Variants in TNK2 observed in about 807,000 individuals in gnomAD.
The protein encoded by TNK2 is tyrosine kinase non receptor 2, also known as activated CDC42 kinase 1.
TNK2 carries 83 observed loss-of-function variants against 101.8 expected under a neutral mutation model. That is an observed-to-expected ratio of 0.82 (90% CI 0.68 to 0.98). TNK2 has a LOEUF of 0.98. Among genes scored for constraint, TNK2 ranks in the 50% least tolerant of loss-of-function variants. TNK2 has a pLI of 0.00. For missense variants in TNK2, 1,665 were observed against 1,483.2 expected (o/e 1.12, Z -2.01); for synonymous variants, 804 against 633.0 (o/e 1.27, Z -4.06).
At chr3:195,883,030 C>A in intron 5 of TNK2, 127 bp downstream of exon 5, 1 of 1,155,530 alleles carries the variant, frequency 8.7e-7, no homozygotes, top group South Asian at 1.4e-5. Flanking sequence ...CCCCTTTACT[C>A]CATCAGGTTG....
chr3:195,870,000 C>T, intron 11 of TNK2, 114 bp downstream of exon 11: 1 of 831,852 alleles, frequency 1.2e-6, no homozygotes, highest in Non-Finnish European at 1.8e-6. Flanking sequence ...GCCTGCTGCC[C>T]TGACCCCACT....
chr3:195,883,403 C>T, intron 4 of TNK2, 94 bp from the exon 5 acceptor site: 1 of 1,472,290 alleles, frequency 6.8e-7, no homozygotes, highest in Non-Finnish European at 9.3e-7. Context: ...CTCAACGATC[C>T]CTGCCTGTGA....
chr3:195,871,969 T>TGGAGAGCCCTCCCC, intron 10 of TNK2, among the ~76,000 whole-genome samples: 1 of 123,428 alleles, frequency 8.1e-6, no homozygotes, highest in Non-Finnish European at 1.7e-5. Context: ...AACCCTCCCC[T>TGGAGAGCCCTCCCC]GGAGAACCCT....
At chr3:195,904,497 C>G (rs149542127) in intron 1 of TNK2, among the ~76,000 whole-genome samples, 11 of 152,210 alleles carry the variant, frequency 7.2e-5, no homozygotes, top group African/African-American at 2.4e-4. Context: ...TTCATAGAGT[C>G]AGAAGGTAAA....
chr3:195,881,647 G>T, intron 6 of TNK2, among the ~76,000 whole-genome samples: 1 of 35,964 alleles, frequency 2.8e-5, no homozygotes, highest in Non-Finnish European at 4.9e-5. Flanking sequence ...CCCCCCCCCA[G>T]CAACGCCCTT....
intron 9 of TNK2, among the ~76,000 whole-genome samples, chr3:195,875,923 G>T (rs537291216): frequency 6.6e-6 from 1 of 152,170 alleles, no homozygotes; most frequent in Non-Finnish European, 1.5e-5. Context: ...CCACGTTCCC[G>T]TCCGGGCCGA....
chr3:195,878,670 C>T lies in TNK2; in HGVS notation c.1015-78G>A. 6.5e-7 allele frequency: 1 copy of T among 1,549,438 alleles called. No individual in the cohort carries two copies. The highest frequency in any genetic ancestry group is 8.7e-7 in the Non-Finnish European group (1 of 1,147,398). ...ACTTCCCGCCTTCCCTCCAGCCCAT[C>T]CACAGCTGCAGCGGCTGCTGCCATG... On this transcript the variant is annotated intron_variant, in intron 7 of 15. Transcript: ENST00000672887. The surrounding 1 kb of genome is among the most constrained non-coding windows in gnomAD (Gnocchi z 4.7).
In TNK2 at chr3:195,888,835, A is replaced by G. The variant is rs1455717165; in HGVS notation, c.-18-229T>C. On this transcript the variant is annotated intron_variant, in intron 1 of 15. Transcript: ENST00000672887. This position sits in a 1 kb window ranked among gnomAD's most constrained non-coding sequence, Gnocchi z 5.3. The stretch of plus-strand genomic sequence containing the variant: ...GAGATACAGCCCTGGCCCTGGAGTC[A>G]GGAGTCAGGGTCTTGCTCCCGAAAT... 2.0e-5 allele frequency among the ~76,000 whole-genome samples: 3 copies of G among 152,108 alleles called. No homozygotes were observed. The highest frequency in any genetic ancestry group is 6.5e-5 in the Admixed American group (1 of 15,270).
chr3:195,889,117 T>C (rs1315954199), intron 1 of TNK2, among the ~76,000 whole-genome samples: 3 of 151,844 alleles, frequency 2.0e-5, no homozygotes, highest in Non-Finnish European at 4.4e-5. Context: ...TCCCAGCGCC[T>C]GACCACCCCA....
rs991723439 is a variant in TNK2 at position 195,893,500 on chromosome 3, G to A, written c.-18-4894C>T. Among the ~76,000 whole-genome samples the A allele has an allele frequency of 9.9e-5, 15 of 152,250 alleles. 1 individual carries two copies. In the South Asian group the frequency reaches 3.1e-3, roughly 32 times the overall value. On this transcript the variant is annotated intron_variant, in intron 1 of 15. Transcript: ENST00000672887. ...ACCCCAAAGCTGTAGGATGTCTCCT[G>A]TATAACCCCTGACACAGACCACGGC...
At position 195,888,727 on chromosome 3, in the gene TNK2, C is replaced by T; in HGVS notation, c.-18-121G>A. On this transcript the variant is annotated intron_variant, in intron 1 of 15. Coordinates refer to ENST00000672887, the MANE Select transcript of TNK2 (RefSeq NM_001382273.1). This position sits in a 1 kb window ranked among gnomAD's most constrained non-coding sequence, Gnocchi z 5.3. ...CACCCGGAAGGGCTCACACCACCTT[C>T]TGACTCCCGAGGGAAGCTACCGAGA... is the stretch of plus-strand genomic sequence containing the variant. 1.1e-6 allele frequency: 1 copy of T among 951,954 alleles called. No individual in the cohort carries two copies. The highest frequency in any genetic ancestry group is 1.5e-6 in the Non-Finnish European group (1 of 660,730). 59.0% of individuals were successfully genotyped at this position (951,954 alleles called of 1,614,324 possible).
In TNK2 at chr3:195,868,363, G is replaced by A. The variant is rs1442473841; in HGVS notation, c.1935C>T (p.Pro645=). The A allele has an allele frequency of 4.4e-6, 7 of 1,597,202 alleles. No individual in the cohort carries two copies. Among genetic ancestry groups the A allele is most frequent in the South Asian group, 2.2e-5 (2 of 90,580 alleles). ...CCACGTCGTCATAGGCGGGCGGGGG[G>A]GGCAGCGGGCGTGCGTCCCAGTCCA... is the stretch of plus-strand genomic sequence containing the variant. ...PVVDWDARPL[P]PPPAYDDVAQ... The change falls in exon 13 of 16, where the codon CCC becomes CCT. Residue 645 remains proline (P), a synonymous_variant. Transcript: ENST00000672887.
At chr3:195,903,062 T>G (rs1489936850) in intron 1 of TNK2, among the ~76,000 whole-genome samples, 1 of 138,110 alleles carries the variant, frequency 7.2e-6, no homozygotes, top group Non-Finnish European at 1.6e-5. Context: ...CTAACACCAC[T>G]TTTTTTTTTT....
chr3:195,890,865 T>C (rs545339411), intron 1 of TNK2, among the ~76,000 whole-genome samples: 2 of 152,344 alleles, frequency 1.3e-5, no homozygotes, highest in Admixed American at 6.5e-5. Flanking sequence ...CCCCCTCTCA[T>C]TATTTCAAAA....
intron 1 of TNK2, chr3:195,896,024 C>T: frequency 2.4e-6 from 1 of 413,828 alleles, no homozygotes; most frequent in Non-Finnish European, 4.8e-6. Flanking sequence ...CGCAACGCCG[C>T]ACGCGCTGTG....
intron 1 of TNK2, among the ~76,000 whole-genome samples, chr3:195,893,937 G>C (rs74861414): frequency 0.043 from 6,549 of 152,316 alleles, 193 homozygotes; most frequent in Non-Finnish European, 0.062. Context: ...CTAACTCCAG[G>C]AGGTGGGGAG....
At chr3:195,897,698 C>T (rs970323946) in intron 1 of TNK2, among the ~76,000 whole-genome samples, 4 of 151,976 alleles carry the variant, frequency 2.6e-5, no homozygotes, top group African/African-American at 4.8e-5. Context: ...GATGAGGTTT[C>T]GTCATGTTGC....
At position 195,879,001 on chromosome 3, in the gene TNK2, T is replaced by C. The variant is rs1433969801; in HGVS notation, c.1014+48A>G. On this transcript the variant is annotated intron_variant, in intron 7 of 15. Coordinates refer to ENST00000672887, the MANE Select transcript of TNK2 (RefSeq NM_001382273.1). The stretch of plus-strand genomic sequence containing the variant: ...GCAGGGCCAGGCTGCAAGCAGGGAA[T>C]GGAATTCACCCCACCAGCCCTATGG... The C allele has an allele frequency of 1.9e-6, 3 of 1,598,032 alleles. No homozygotes were observed. The South Asian group carries it at 3.3e-5, about 18-fold the overall frequency.
At chr3:195,870,708 T>C (rs966667407) in intron 10 of TNK2, among the ~76,000 whole-genome samples, 3 of 152,218 alleles carry the variant, frequency 2.0e-5, no homozygotes, top group Admixed American at 2.0e-4. Flanking sequence ...TATCTGAGAC[T>C]TAGTCACTGG....
Sources: gnomAD v4.1 joint callset for allele counts (sites outside exome capture counted in the v4.1 genomes callset) on GRCh38, gnomAD v4.1.1 for gene constraint, Gnocchi (gnomAD v3.1) non-coding constraint, MANE v1.5 for transcripts, NCBI Gene and HGNC (gene_info 2026-07-23, HGNC 2026-07-21) for gene names.